ETV5: variants seen among roughly 807,000 people sequenced by gnomAD.
ETV5 encodes the protein ETS translocation variant 5.
A neutral mutation model predicts 70.0 loss-of-function variants in ETV5; 10 were observed. That is an observed-to-expected ratio of 0.14 (90% CI 0.09 to 0.24). ETV5 has a LOEUF of 0.24. ETV5 is among the 10% of genes least tolerant of loss of function. The probability of loss-of-function intolerance (pLI) is 1.00; values close to 1 mark genes in which losing one functional copy is unlikely to be tolerated. For synonymous variants in ETV5, 216 were observed against 242.2 expected, an observed-to-expected ratio of 0.89 and a Z score of 1.01; for missense variants, 453 against 651.2, an observed-to-expected ratio of 0.70 and a Z score of 3.31.
intron 9 of ETV5, among the ~76,000 whole-genome samples, chr3:186,058,586 A>T (rs1332933368): frequency 6.6e-6 from 1 of 152,204 alleles, no homozygotes; most frequent in Non-Finnish European, 1.5e-5. Flanking sequence ...ATTCACTGCG[A>T]CTTAAAAAAT....
chr3:186,065,638 C>A (rs373204367), intron 8 of ETV5, among the ~76,000 whole-genome samples, 175 bp downstream of exon 8: 2 of 152,104 alleles, frequency 1.3e-5, no homozygotes, highest in Non-Finnish European at 2.9e-5. Flanking sequence ...TATTCCATTG[C>A]GCATAAACAT....
intron 12 of ETV5, among the ~76,000 whole-genome samples, chr3:186,049,947 TC>T (rs1346198561): frequency 1.3e-5 from 2 of 152,132 alleles, no homozygotes; most frequent in African/African-American, 4.8e-5. Context: ...TCTGTGAACC[TC>T]AATTTTCCCT....
At chr3:186,076,490 G>C (rs1039131557) in intron 7 of ETV5, 1 of 183,244 alleles carries the variant, frequency 5.5e-6, no homozygotes, top group African/African-American at 2.4e-5. Context: ...CTGATAGATC[G>C]GCATAGTGTA....
chr3:186,065,822 C>A lies in ETV5; in HGVS notation c.901G>T (p.Val301Phe), dbSNP rs201874364. ...ACAATTTGATGCTGACCTGAATCGA[C>A]GCAGTAATCCCGAGGCTCCTGCTTG... ...GIKQEPRDYC[V>F]DSEVPNCQSS... The change falls in exon 8 of 13, where the codon GTC becomes TTC. Residue 301 changes from valine (V) to phenylalanine (F), a missense_variant. Coordinates refer to ENST00000306376, the MANE Select transcript of ETV5 (RefSeq NM_004454.3). 6.2e-7 allele frequency: 1 copy of A among 1,614,062 alleles called. No homozygotes were observed. The highest frequency in any genetic ancestry group is 8.5e-7 in the Non-Finnish European group (1 of 1,179,992).
intron 5 of ETV5, among the ~76,000 whole-genome samples, chr3:186,091,426 G>C (rs1003436801): frequency 1.3e-5 from 2 of 152,182 alleles, no homozygotes; most frequent in Admixed American, 6.5e-5. Context: ...CAGGGTCTCA[G>C]ATCAACCATG....
intron 5 of ETV5, among the ~76,000 whole-genome samples, chr3:186,097,371 A>G (rs1026830365): frequency 4.6e-5 from 7 of 152,140 alleles, no homozygotes; most frequent in Admixed American, 3.3e-4. Flanking sequence ...AGCCTAAGCA[A>G]GAAGTGTCTG....
intron 7 of ETV5, among the ~76,000 whole-genome samples, chr3:186,071,240 T>TA (rs367951367): frequency 4.0e-5 from 6 of 150,316 alleles, no homozygotes; most frequent in African/African-American, 1.5e-4. Flanking sequence ...GGTTATATAG[T>TA]GATTATGGGT....
At chr3:186,099,373 G>A (rs1253350579) in intron 5 of ETV5, among the ~76,000 whole-genome samples, 1 of 152,140 alleles carries the variant, frequency 6.6e-6, no homozygotes, top group Non-Finnish European at 1.5e-5. Context: ...TCCGGTAATG[G>A]CATCAGCATG....
chr3:186,048,079 T>G lies in ETV5; in HGVS notation c.*560A>C. 1 of 234,366 alleles carries G rather than the reference T, an allele frequency of 4.3e-6. No homozygotes were observed. Among genetic ancestry groups the G allele is most frequent in the Non-Finnish European group, 8.4e-6 (1 of 118,658 alleles). The allele number at this position is 234,366 out of a possible 1,614,324, so 14.5% of individuals were successfully genotyped here. On this transcript the variant is annotated 3_prime_UTR_variant, in exon 13 of 13. Coordinates refer to ENST00000306376, the MANE Select transcript of ETV5 (RefSeq NM_004454.3). ...AGAACCACGGAGTGGGGAACAGCTG[T>G]TCTGACTGCCCCCCTTTTTCTAGAC...
At chr3:186,091,190 G>A (rs1339367638) in intron 5 of ETV5, among the ~76,000 whole-genome samples, 3 of 152,232 alleles carry the variant, frequency 2.0e-5, no homozygotes, top group African/African-American at 7.2e-5. Flanking sequence ...TAAGGCTTGT[G>A]CTTTGTGCTT....
chr3:186,066,340 A>T (rs1263514148), intron 7 of ETV5, among the ~76,000 whole-genome samples: 2 of 149,358 alleles, frequency 1.3e-5, no homozygotes, highest in East Asian at 3.9e-4. Flanking sequence ...TGCACAGTCT[A>T]TCTGTATAGA....
At chr3:186,056,477 G>T (rs938802554) in intron 11 of ETV5, among the ~76,000 whole-genome samples, 5 of 151,650 alleles carry the variant, frequency 3.3e-5, no homozygotes, top group African/African-American at 1.2e-4. Flanking sequence ...CAAAATCCTG[G>T]GGTCAAGCAA....
chr3:186,062,068 T>C (rs1046583317), intron 9 of ETV5, among the ~76,000 whole-genome samples: 2 of 152,210 alleles, frequency 1.3e-5, no homozygotes, highest in African/African-American at 4.8e-5. Flanking sequence ...CTTAGCTAGA[T>C]GAATGTTCAT....
intron 7 of ETV5, 34 bp from the exon 8 acceptor site, chr3:186,066,106 A>C (rs768493281): frequency 1.3e-6 from 2 of 1,524,658 alleles, no homozygotes; most frequent in Non-Finnish European, 1.8e-6. Flanking sequence ...TGTTGAACAA[A>C]GACTTGATGA....
chr3:186,097,525 C>A (rs1714333739), intron 5 of ETV5, among the ~76,000 whole-genome samples: 1 of 152,162 alleles, frequency 6.6e-6, no homozygotes, highest in Non-Finnish European at 1.5e-5. Flanking sequence ...CAGATCAAGT[C>A]TCAACACCTC....
chr3:186,050,006 C>T (rs1712986818), intron 12 of ETV5, among the ~76,000 whole-genome samples: 1 of 152,220 alleles, frequency 6.6e-6, no homozygotes, highest in African/African-American at 2.4e-5. Flanking sequence ...TCTCTCTACA[C>T]ACCGACGGGC....
chr3:186,107,006 AT>A, intron 1 of ETV5: 1 of 956,590 alleles, frequency 1.0e-6, no homozygotes. Flanking sequence ...CATATACACA[AT>A]TTTAAACAGG....
intron 5 of ETV5, among the ~76,000 whole-genome samples, chr3:186,083,244 A>C (rs1465189828): frequency 6.6e-6 from 1 of 152,218 alleles, no homozygotes; most frequent in East Asian, 1.9e-4. Context: ...GTTTTGGCAA[A>C]ATAATGAGGA....
At chr3:186,084,615 C>A (rs921544022) in intron 5 of ETV5, among the ~76,000 whole-genome samples, 1 of 152,240 alleles carries the variant, frequency 6.6e-6, no homozygotes, top group East Asian at 1.9e-4. Flanking sequence ...ATCTTCTCAA[C>A]GATGCAATCA....
Sources: gnomAD v4.1 joint callset for allele counts (sites outside exome capture counted in the v4.1 genomes callset) on GRCh38, gnomAD v4.1.1 for gene constraint, MANE v1.5 for transcripts, NCBI Gene and HGNC (gene_info 2026-07-23, HGNC 2026-07-21) for gene names.